Variants in GTF3C1 observed in about 807,000 individuals in gnomAD.
GTF3C1 encodes general transcription factor IIIC subunit 1.
In GTF3C1, 57 loss-of-function variants were observed where a neutral mutation model predicts 226.7. The ratio of observed to expected loss-of-function variants is 0.25; its 90% CI spans 0.20 to 0.31. GTF3C1 has a LOEUF of 0.31. Among genes scored for constraint, GTF3C1 ranks in the 10% least tolerant of loss-of-function variants. The pLI, the probability that GTF3C1 is intolerant of heterozygous loss-of-function variation, is 1.00. For missense variants in GTF3C1, 2,217 were observed against 2,776.1 expected, an observed-to-expected ratio of 0.80 and a Z score of 4.53; for synonymous variants, 1,090 against 1,084.8, an observed-to-expected ratio of 1.00 and a Z score of -0.09.
In GTF3C1 at chr16:27,506,090, G is replaced by A; in HGVS notation, c.1579C>T (p.Pro527Ser). 6.2e-7 allele frequency: 1 copy of A among 1,612,058 alleles called. No individual in the cohort carries two copies. Among genetic ancestry groups the A allele is most frequent in the South Asian group, 1.1e-5 (1 of 91,048 alleles). ...AAGGAGGGCGGCTGCTTTTTCAATG[G>A]GTGTAGGTTTACAACTTTCCACCCA... ...KGGWKVVNLH[P>S]LKKQPPSFPG... Residue 527 changes from proline to serine, a missense_variant, in exon 10 of 37, where the codon CCA (proline) becomes TCA (serine). Around this residue, in one of 12 missense-constraint regions of GTF3C1, gnomAD observed 173 missense variants for 207.2 expected, o/e 0.83. Coordinates refer to ENST00000356183, the MANE Select transcript of GTF3C1 (RefSeq NM_001520.4).
Position 27,462,520 on chromosome 16 carries a change from G to A in GTF3C1, c.5925-34C>T, listed in dbSNP as rs779617805. 1 of 1,535,568 alleles carries A rather than the reference G, an allele frequency of 6.5e-7. No individual in the cohort carries two copies. ...AGAGGGCTTGACATCAGGGCTTGGTGGGGGCAGGAGGGCAGCTCGTCCAGA... is the reference window on the plus strand; with the variant it reads ...AGAGGGCTTGACATCAGGGCTTGGTAGGGGCAGGAGGGCAGCTCGTCCAGA... On this transcript the variant is annotated intron_variant, in intron 35 of 36. Coordinates refer to ENST00000356183, the MANE Select transcript of GTF3C1 (RefSeq NM_001520.4). The surrounding 1 kb of genome is among the most constrained non-coding windows in gnomAD (Gnocchi z 4.5).
Position 27,465,267 on chromosome 16 carries a change from C to T in GTF3C1, c.5348G>A (p.Cys1783Tyr), listed in dbSNP as rs759684078. The change falls in exon 33 of 37, where the codon TGC becomes TAC. Residue 1783 changes from cysteine to tyrosine, a missense_variant. Cys to Tyr is a radical substitution (Grantham distance 194, BLOSUM62 -2). Coordinates refer to ENST00000356183, the MANE Select transcript of GTF3C1 (RefSeq NM_001520.4). ...GGGRTRTFADCIQALLEQHQV... is the reference protein window; with the variant it reads ...GGGRTRTFADYIQALLEQHQV... ...ACCTAAAGCACAGCTCACCTGGATGCAATCTGCGAATGTCCTGGTGCGCCC... is the reference window on the plus strand; with the variant it reads ...ACCTAAAGCACAGCTCACCTGGATGTAATCTGCGAATGTCCTGGTGCGCCC... 1.9e-5 allele frequency: 30 copies of T among 1,613,904 alleles called. No individual in the cohort carries two copies. The highest frequency in any genetic ancestry group is 2.5e-5 in the Non-Finnish European group (30 of 1,179,940).
intron 5 of GTF3C1, 77 bp from the exon 6 acceptor site, chr16:27,528,798 C>T (rs2141438817): frequency 1.5e-6 from 2 of 1,366,080 alleles, no homozygotes; most frequent in South Asian, 1.2e-5. Flanking sequence ...TATAAATGAA[C>T]ACAAGTTCAG....
At chr16:27,496,758 T>C (rs576505788) in intron 14 of GTF3C1, among the ~76,000 whole-genome samples, 3 of 152,336 alleles carry the variant, frequency 2.0e-5, no homozygotes, top group Non-Finnish European at 4.4e-5. Flanking sequence ...GCGCTGTTGC[T>C]TGATTTTCCC....
In GTF3C1 at chr16:27,486,154, C is replaced by T. The variant is rs2088135526; in HGVS notation, c.3701G>A (p.Gly1234Glu). The T allele has an allele frequency of 1.3e-6, 2 of 1,582,390 alleles. No homozygotes were observed. The highest frequency in any genetic ancestry group is 3.4e-5 in the Admixed American group (2 of 58,970). ...PGKKIKRKKK[G>E]EFPGEKSKRL... ...TTTGCTTTTTTCTCCTGGGAACTCT[C>T]CTAAAAACACCAGAGGGAGAAGGCA... The change falls in exon 24 of 37, where the codon GGA (glycine) becomes GAA (glutamate). Residue 1234 changes from glycine to glutamate, a missense_variant and splice_region_variant. Physicochemically the swap from Gly to Glu is moderately conservative, Grantham distance 98. Coordinates refer to ENST00000356183, the MANE Select transcript of GTF3C1 (RefSeq NM_001520.4).
At chr16:27,549,607 G>A (rs1308244188) in intron 1 of GTF3C1, 63 bp downstream of exon 1, 1 of 816,464 alleles carries the variant, frequency 1.2e-6, no homozygotes, top group Non-Finnish European at 2.0e-6. Flanking sequence ...CCTGCCCCCA[G>A]CTCCATCAGC....
intron 10 of GTF3C1, among the ~76,000 whole-genome samples, chr16:27,504,467 A>G (rs1451343748): frequency 6.6e-6 from 1 of 152,172 alleles, no homozygotes; most frequent in Non-Finnish European, 1.5e-5. Flanking sequence ...AAAAAAATCA[A>G]CGCCACGCCC....
chr16:27,545,353 G>T lies in GTF3C1; in HGVS notation c.392C>A (p.Ser131Tyr), dbSNP rs1277912952. 2 of 1,613,820 alleles carry T rather than the reference G, an allele frequency of 1.2e-6. No individual in the cohort carries two copies. The highest frequency in any genetic ancestry group is 1.7e-5 in the Admixed American group (1 of 59,986). ...CACCATTGTACAGCGAGGCTGCAAGGACTTGGTTCTGATGTCATTGGTAAT... is the reference window on the plus strand; with the variant it reads ...CACCATTGTACAGCGAGGCTGCAAGTACTTGGTTCTGATGTCATTGGTAAT... Reference protein sequence around the residue: ...KNITNDIRTKSLQPRCTMVEA... With the variant: ...KNITNDIRTKYLQPRCTMVEA... The change falls in exon 2 of 37, where the codon TCC becomes TAC. Residue 131 changes from serine (S) to tyrosine (Y), a missense_variant. Ser to Tyr is a moderately radical substitution (Grantham distance 144). Coordinates refer to ENST00000356183, the MANE Select transcript of GTF3C1 (RefSeq NM_001520.4).
In GTF3C1 at chr16:27,484,214, T is replaced by G; in HGVS notation, c.3998A>C (p.Tyr1333Ser). 1 of 1,602,364 alleles carries G rather than the reference T, an allele frequency of 6.2e-7. No homozygotes were observed. Among genetic ancestry groups the G allele is most frequent in the Non-Finnish European group, 8.6e-7 (1 of 1,169,390 alleles). ...IVKNPQAYLN[Y>S]KVCLAEVYQD... The stretch of plus-strand genomic sequence containing the variant: ...ACGGGGCTTCAATGAGGCTTACTTA[T>G]AGTTGAGATAGGCCTGTGGGTTTTT... The change falls in exon 25 of 37, where the codon TAT (tyrosine) becomes TCT (serine). Residue 1333 changes from tyrosine to serine, a missense_variant. Tyr to Ser is a moderately radical substitution (Grantham distance 144). This residue lies in a region of GTF3C1 where 546 missense variants were observed against 663.0 expected (regional missense o/e 0.82). Coordinates refer to ENST00000356183, the MANE Select transcript of GTF3C1 (RefSeq NM_001520.4).
Position 27,489,124 on chromosome 16 carries a change from G to T in GTF3C1, c.3348C>A (p.Ala1116=). The change falls in exon 21 of 37, where the codon GCC becomes GCA. Residue 1116 remains alanine, a synonymous_variant. Transcript: ENST00000356183. ...CGTAGAAGCTGGAATCGAGCCCTGC[G>T]GCACCCAGCCCATCTCCAGGGATCA... The part of the protein sequence containing the change: ...EGLIPGDGLG[A]AGLDSSFYGH... 6.2e-7 allele frequency: 1 copy of T among 1,613,920 alleles called. No homozygotes were observed.
chr16:27,488,175 C>T, intron 23 of GTF3C1, 52 bp downstream of exon 23: 1 of 1,536,758 alleles, frequency 6.5e-7, no homozygotes, highest in Non-Finnish European at 8.9e-7. Context: ...TCGCACATCT[C>T]CAAGCCAAAA....
chr16:27,525,816 C>A lies in GTF3C1; in HGVS notation c.973+2782G>T, dbSNP rs572826108. 2.0e-5 allele frequency among the ~76,000 whole-genome samples: 3 copies of A among 152,350 alleles called. No individual in the cohort carries two copies. The East Asian group carries it at 5.8e-4, about 29-fold the overall frequency. On this transcript the variant is annotated intron_variant, in intron 6 of 36. Transcript: ENST00000356183. ...CTATAAGCAATCTTTTCTTGTACAC[C>A]TTTTGGGTTTCCTTGGAATTAATAA... is the stretch of plus-strand genomic sequence containing the variant.
intron 2 of GTF3C1, among the ~76,000 whole-genome samples, chr16:27,538,622 G>A (rs146894852): frequency 3.3e-5 from 5 of 152,256 alleles, no homozygotes; most frequent in African/African-American, 9.6e-5. Flanking sequence ...TCGCCAAGGC[G>A]CTCAGGCCAA....
Position 27,497,579 on chromosome 16 carries a change from T to C in GTF3C1, c.2350+58A>G, listed in dbSNP as rs188585161. 1.2e-4 allele frequency: 170 copies of C among 1,428,856 alleles called. No homozygotes were observed. The Middle Eastern group carries it at 2.7e-3, about 22-fold the overall frequency. The allele number at this position is 1,428,856 out of a possible 1,614,324, so 88.5% of individuals were successfully genotyped here. ...TGGAGAGGACCAAGTGCCTCAAACA[T>C]TGTCATACAAACAACAAATCAAATG... On this transcript the variant is annotated intron_variant, in intron 14 of 36. Transcript: ENST00000356183.
At position 27,506,886 on chromosome 16, in the gene GTF3C1, G is replaced by A. The variant is rs778355138; in HGVS notation, c.1513C>T (p.Arg505Trp). Residue 505 changes from arginine (R) to tryptophan (W), a missense_variant, in exon 9 of 37, where the codon CGG (arginine) becomes TGG (tryptophan). Transcript: ENST00000356183. Reference protein sequence around the residue: ...QKDTRASANLRPKTQPHHSTP... With the variant: ...QKDTRASANLWPKTQPHHSTP... ...GAGTGATGAGGCTGGGTCTTGGGCC[G>A]GAGGTTTGCAGAGGCTCTTGTGTCT... 54 of 1,612,960 alleles carry A rather than the reference G, an allele frequency of 3.3e-5. No individual in the cohort carries two copies. Among genetic ancestry groups the A allele is most frequent in the East Asian group, 1.6e-4 (7 of 44,880 alleles).
chr16:27,464,926 T>C, intron 33 of GTF3C1, 90 bp from the exon 34 acceptor site: 1 of 1,142,036 alleles, frequency 8.8e-7, no homozygotes, highest in South Asian at 1.7e-5. Context: ...CTCCCCTGAC[T>C]GGCGGGTTGA....
At chr16:27,528,104 T>C (rs2088860666) in intron 6 of GTF3C1, among the ~76,000 whole-genome samples, 1 of 152,086 alleles carries the variant, frequency 6.6e-6, no homozygotes. Flanking sequence ...CGAAACGCTG[T>C]CTCTACTAAA....
At chr16:27,506,241 A>G (rs1042127058) in intron 9 of GTF3C1, 125 bp from the exon 10 acceptor site, 3 of 610,536 alleles carry the variant, frequency 4.9e-6, no homozygotes, top group Non-Finnish European at 8.7e-6. Context: ...AGGTGAGGGA[A>G]GTGGACCAGC....
In GTF3C1 at chr16:27,500,804, T is replaced by C. The variant is rs180711555; in HGVS notation, c.2061+387A>G. 3.3e-5 allele frequency among the ~76,000 whole-genome samples: 5 copies of C among 152,372 alleles called. No homozygotes were observed. In the East Asian group the frequency reaches 7.7e-4, roughly 23 times the overall value. ...GCGCATCCTCACTGACTCAATGCCA[T>C]TGCTTCCTCTGGGATGTTGCCTCAG... On this transcript the variant is annotated intron_variant, in intron 12 of 36. Coordinates refer to ENST00000356183, the MANE Select transcript of GTF3C1 (RefSeq NM_001520.4).
Sources: allele counts gnomAD v4.1 joint callset (sites outside exome capture counted in the v4.1 genomes callset), GRCh38; gene constraint gnomAD v4.1.1; regional missense constraint gnomAD v4.1.1; non-coding constraint Gnocchi (gnomAD v3.1); transcripts MANE v1.5; gene names NCBI Gene and HGNC (gene_info 2026-07-23, HGNC 2026-07-21).